The following PGM5 variants were observed in gnomAD, a reference collection of about 807,000 sequenced individuals.
PGM5 encodes the protein phosphoglucomutase-like protein 5.
A neutral mutation model predicts 59.2 loss-of-function variants in PGM5; 23 were observed. The observed-to-expected ratio is 0.39, with a 90% CI of 0.28 to 0.55. The LOEUF (loss-of-function observed/expected upper bound fraction) is 0.55, where lower values mean the gene tolerates loss of function less well. Among genes scored for constraint, PGM5 ranks in the 20% least tolerant of loss-of-function variants. The probability of loss-of-function intolerance (pLI) is 0.66; values close to 1 mark genes in which losing one functional copy is unlikely to be tolerated. For synonymous variants in PGM5, 214 were observed against 286.0 expected, an observed-to-expected ratio of 0.75 and a Z score of 2.54; for missense variants, 574 against 748.3, an observed-to-expected ratio of 0.77 and a Z score of 2.72.
At chr9:68,473,636 C>T (rs1352739086) in intron 7 of PGM5, among the ~76,000 whole-genome samples, 1 of 152,180 alleles carries the variant, frequency 6.6e-6, no homozygotes. Flanking sequence ...AATTTATCCT[C>T]CTTGTGATTG....
rs117234688 is a variant in PGM5 at position 68,431,720 on chromosome 9, G to A, written c.1044-33373G>A. Among the ~76,000 whole-genome samples the A allele has an allele frequency of 6.7e-3, 1,023 of 152,278 alleles. 13 individuals are homozygous for A. The highest frequency in any genetic ancestry group is 9.3e-3 in the Non-Finnish European group (630 of 68,018). On this transcript the variant is annotated intron_variant, in intron 6 of 10. Coordinates refer to ENST00000396396, the MANE Select transcript of PGM5 (RefSeq NM_021965.4). Reference sequence around the variant, plus strand: ...AGTTGGAGTCTATTCCATCTTATAAGGATGGGGGATTTATTAGGACTCTGT... The same window carrying A: ...AGTTGGAGTCTATTCCATCTTATAAAGATGGGGGATTTATTAGGACTCTGT...
chr9:68,366,942 C>G (rs1554676750), intron 1 of PGM5, among the ~76,000 whole-genome samples: 1 of 152,116 alleles, frequency 6.6e-6, no homozygotes, highest in South Asian at 2.1e-4. Flanking sequence ...CTTTACTAAC[C>G]AGAAAGCGCC....
At chr9:68,386,250 A>T (rs1287600204) in intron 3 of PGM5, among the ~76,000 whole-genome samples, 4 of 152,078 alleles carry the variant, frequency 2.6e-5, no homozygotes. Flanking sequence ...TTATGGTGGT[A>T]AAATATACAT....
intron 1 of PGM5, among the ~76,000 whole-genome samples, chr9:68,363,378 G>A (rs1225701826): frequency 3.9e-5 from 6 of 152,416 alleles, no homozygotes; most frequent in Middle Eastern, 3.4e-3. Context: ...AATTAAAATA[G>A]AAATGCAAAT....
In PGM5 at chr9:68,356,960, G is replaced by A. The variant is rs1834456127; in HGVS notation, c.-168G>A. 1.8e-6 allele frequency: 1 copy of A among 553,804 alleles called. No homozygotes were observed. Among genetic ancestry groups the A allele is most frequent in the East Asian group, 3.7e-5 (1 of 27,396 alleles). The allele number at this position is 553,804 out of a possible 1,614,324, so 34.3% of individuals were successfully genotyped here. A position where few individuals can be genotyped will look rare whatever the true frequency, so the allele number is the denominator to read the frequency against. The stretch of plus-strand genomic sequence containing the variant: ...GAGCGGCCGCGCGGAGAGGAGGGGC[G>A]GGCGGTCCCCAGGCGGGCGGGTGCA... On this transcript the variant is annotated 5_prime_UTR_variant, in exon 1 of 11. Coordinates refer to ENST00000396396, the MANE Select transcript of PGM5 (RefSeq NM_021965.4).
intron 1 of PGM5, among the ~76,000 whole-genome samples, chr9:68,375,565 C>G (rs1821857676): frequency 1.3e-5 from 2 of 152,214 alleles, no homozygotes; most frequent in African/African-American, 4.8e-5. Context: ...ATCATACTTT[C>G]ATTATTCTCC....
chr9:68,458,017 A>T (rs532009866), intron 6 of PGM5, among the ~76,000 whole-genome samples: 1 of 152,340 alleles, frequency 6.6e-6, no homozygotes, highest in East Asian at 1.9e-4. Flanking sequence ...GACCCTCGGC[A>T]ATGTATTTTC....
intron 6 of PGM5, among the ~76,000 whole-genome samples, chr9:68,444,326 G>T (rs1018564576): frequency 6.6e-6 from 1 of 152,094 alleles, no homozygotes; most frequent in Non-Finnish European, 1.5e-5. Context: ...CTTTCCATAG[G>T]ATTCAGTCAA....
At chr9:68,471,649 G>T (rs1173381954) in intron 7 of PGM5, among the ~76,000 whole-genome samples, 1 of 151,550 alleles carries the variant, frequency 6.6e-6, no homozygotes, top group East Asian at 1.9e-4. Context: ...ACTCGGTGCA[G>T]TGGCTCATGC....
At chr9:68,509,129 G>A (rs375016687) in intron 10 of PGM5, among the ~76,000 whole-genome samples, 10 of 152,222 alleles carry the variant, frequency 6.6e-5, no homozygotes, top group South Asian at 6.2e-4. Flanking sequence ...TTGCTCTCCC[G>A]TCTACTCTTG....
chr9:68,360,024 T>C (rs1261558131), intron 1 of PGM5, among the ~76,000 whole-genome samples: 3 of 151,710 alleles, frequency 2.0e-5, no homozygotes, highest in East Asian at 2.0e-4. Flanking sequence ...TTTGTGTTTT[T>C]ACTACTCATA....
chr9:68,513,322 T>C (rs1824780401), intron 10 of PGM5, among the ~76,000 whole-genome samples: 1 of 152,276 alleles, frequency 6.6e-6, no homozygotes, highest in African/African-American at 2.4e-5. Context: ...TTTGTATTCA[T>C]GAAATCAAAT....
intron 10 of PGM5, among the ~76,000 whole-genome samples, chr9:68,517,356 C>T (rs1824839068): frequency 6.6e-6 from 1 of 152,098 alleles, no homozygotes; most frequent in African/African-American, 2.4e-5. Context: ...CCTCATAATA[C>T]AAAAATCTCT....
intron 1 of PGM5, among the ~76,000 whole-genome samples, chr9:68,376,700 G>A (rs1456714597): frequency 2.0e-5 from 3 of 152,004 alleles, no homozygotes; most frequent in African/African-American, 7.2e-5. Context: ...TGGGAAGAGA[G>A]GAGAGGATCT....
At chr9:68,479,364 T>C in intron 7 of PGM5, 54 bp from the exon 8 acceptor site, 1 of 1,551,012 alleles carries the variant, frequency 6.4e-7, no homozygotes, top group Non-Finnish European at 8.7e-7. Flanking sequence ...TTCATTTAGC[T>C]TTTGCTTTGC....
intron 6 of PGM5, chr9:68,394,382 G>T (rs1161775400): frequency 2.6e-5 from 4 of 152,104 alleles, no homozygotes; most frequent in Non-Finnish European, 4.4e-5. Context: ...CAGAAAAATC[G>T]CTTGAACCCA....
At chr9:68,417,208 A>G (rs1002250996) in intron 6 of PGM5, among the ~76,000 whole-genome samples, 25 of 152,212 alleles carry the variant, frequency 1.6e-4, no homozygotes, top group African/African-American at 6.0e-4. Flanking sequence ...TAGGTTTTGC[A>G]GAAGGTCCCA....
intron 7 of PGM5, among the ~76,000 whole-genome samples, chr9:68,475,184 ATTTTTT>A: frequency 8.9e-6 from 1 of 112,766 alleles, no homozygotes; most frequent in South Asian, 2.9e-4. Context: ...TGCCTGGCTA[ATTTTTT>A]TTTTTTTTTT....
At chr9:68,462,865 T>A (rs1554685505) in intron 6 of PGM5, among the ~76,000 whole-genome samples, 1 of 152,166 alleles carries the variant, frequency 6.6e-6, no homozygotes, top group Non-Finnish European at 1.5e-5. Context: ...ATTCATGTTA[T>A]TCTGACCTTC....
Sources: gnomAD v4.1 joint callset for allele counts (sites outside exome capture counted in the v4.1 genomes callset) on GRCh38, gnomAD v4.1.1 for gene constraint, MANE v1.5 for transcripts, NCBI Gene and HGNC (gene_info 2026-07-23, HGNC 2026-07-21) for gene names.